CLIC4: variants seen among roughly 807,000 people sequenced by gnomAD.
CLIC4 encodes the protein chloride intracellular channel protein 4.
Under a neutral mutation model 24.6 loss-of-function variants are expected in CLIC4, and 13 were observed. That is an observed-to-expected ratio of 0.53 (90% confidence interval 0.34 to 0.84). The LOEUF is 0.84. Ranked by LOEUF, CLIC4 falls within the 40% of genes least tolerant of loss-of-function variation. The pLI is 0.01. For missense variants in CLIC4, 227 were observed against 301.7 expected (o/e 0.75, Z 1.83); for synonymous variants, 104 against 111.3 (o/e 0.93, Z 0.41).
chr1:24,797,017 G>C (rs575754765), intron 1 of CLIC4, among the ~76,000 whole-genome samples: 1 of 150,010 alleles, frequency 6.7e-6, no homozygotes, highest in African/African-American at 2.4e-5. Context: ...TGCATGGCAC[G>C]ATCTCAGCAC....
intron 1 of CLIC4, among the ~76,000 whole-genome samples, chr1:24,753,123 TG>T (rs201706929): frequency 6.6e-6 from 1 of 152,194 alleles, no homozygotes; most frequent in Admixed American, 6.5e-5. Flanking sequence ...GCTTTTTTTC[TG>T]GAAATTCCTA....
intron 1 of CLIC4, among the ~76,000 whole-genome samples, chr1:24,757,076 G>A (rs1638861690): frequency 6.6e-6 from 1 of 152,082 alleles, no homozygotes; most frequent in Non-Finnish European, 1.5e-5. Flanking sequence ...TGTATTTTTA[G>A]TAGAGATGGG....
chr1:24,841,261 A>G lies in CLIC4; in HGVS notation c.*324A>G, dbSNP rs1639939065. 1 of 187,856 alleles carries G rather than the reference A, an allele frequency of 5.3e-6. No individual in the cohort carries two copies. The highest frequency in any genetic ancestry group is 2.3e-5 in the African/African-American group (1 of 42,922). The allele number at this position is 187,856 out of a possible 1,614,324, so 11.6% of individuals were successfully genotyped here. On this transcript the variant is annotated 3_prime_UTR_variant, in exon 6 of 6. Coordinates refer to ENST00000374379, the MANE Select transcript of CLIC4 (RefSeq NM_013943.3). ...TCACCATTGTGTCCATTCACTGTGT[A>G]TAGATGGCAGAACTTTTGAGGTGCA...
intron 1 of CLIC4, among the ~76,000 whole-genome samples, chr1:24,755,651 A>G (rs571914298): frequency 6.6e-6 from 1 of 151,944 alleles, no homozygotes; most frequent in East Asian, 1.9e-4. Flanking sequence ...AATTAGCCTT[A>G]TATGGTTTCT....
intron 3 of CLIC4, among the ~76,000 whole-genome samples, chr1:24,820,093 A>ATATATATATATATATATATATC: frequency 1.0e-5 from 1 of 99,646 alleles, no homozygotes; most frequent in Non-Finnish European, 2.2e-5. Context: ...ATATATATAT[A>ATATATATATATATATATATATC]TATAGACAGT....
chr1:24,820,672 T>C (rs1639720965), intron 3 of CLIC4, among the ~76,000 whole-genome samples: 1 of 151,952 alleles, frequency 6.6e-6, no homozygotes, highest in African/African-American at 2.4e-5. Flanking sequence ...TAGATCATTG[T>C]ATCAACATTA....
chr1:24,822,616 T>A (rs1639746777), intron 3 of CLIC4, among the ~76,000 whole-genome samples: 1 of 152,048 alleles, frequency 6.6e-6, no homozygotes, highest in Non-Finnish European at 1.5e-5. Context: ...GGATTACAGG[T>A]GTGAGCCACA....
In CLIC4 at chr1:24,745,465, G is replaced by T; in HGVS notation, c.-89G>T. On this transcript the variant is annotated 5_prime_UTR_variant, in exon 1 of 6. Transcript: ENST00000374379. ...GCCGGACAGTCCAGCGAGCAGCACGGCGGGAACCGGCAGCCGGAGCAGTCC... is the reference window on the plus strand; with the variant it reads ...GCCGGACAGTCCAGCGAGCAGCACGTCGGGAACCGGCAGCCGGAGCAGTCC... 1 of 1,252,310 alleles carries T rather than the reference G, an allele frequency of 8.0e-7. No homozygotes were observed. The allele number at this position is 1,252,310 out of a possible 1,614,324, so 77.6% of individuals were successfully genotyped here.
intron 1 of CLIC4, among the ~76,000 whole-genome samples, chr1:24,748,493 T>A (rs1440119660): frequency 8.8e-6 from 1 of 113,914 alleles, no homozygotes; most frequent in Non-Finnish European, 1.9e-5. Context: ...ACAGATCAGG[T>A]TTTTTGTTTT....
intron 1 of CLIC4, among the ~76,000 whole-genome samples, chr1:24,766,495 T>G (rs1411690961): frequency 1.9e-4 from 14 of 75,324 alleles, no homozygotes; most frequent in African/African-American, 7.8e-4. Context: ...TTTTTTTTTT[T>G]TTTTTTTTTT....
chr1:24,796,681 A>T (rs938539420), intron 1 of CLIC4, among the ~76,000 whole-genome samples: 1 of 152,182 alleles, frequency 6.6e-6, no homozygotes, highest in Non-Finnish European at 1.5e-5. Flanking sequence ...GTGTCAGCAT[A>T]CCCTGTGATG....
At chr1:24,810,851 C>T (rs929536859) in intron 2 of CLIC4, among the ~76,000 whole-genome samples, 5 of 151,706 alleles carry the variant, frequency 3.3e-5, no homozygotes, top group African/African-American at 9.7e-5. Flanking sequence ...TTTGGGAGGC[C>T]GAGGTGGGCG....
At chr1:24,831,075 A>G (rs1275855903) in intron 4 of CLIC4, among the ~76,000 whole-genome samples, 1 of 152,190 alleles carries the variant, frequency 6.6e-6, no homozygotes, top group African/African-American at 2.4e-5. Flanking sequence ...TGTTTTCATT[A>G]ATATACCCTT....
intron 4 of CLIC4, among the ~76,000 whole-genome samples, chr1:24,836,069 A>T (rs1323628281): frequency 6.6e-6 from 1 of 152,226 alleles, no homozygotes; most frequent in Admixed American, 6.5e-5. Flanking sequence ...AAGAAAGTTG[A>T]CAAAGCCACA....
At chr1:24,780,522 C>T (rs1639189973) in intron 1 of CLIC4, among the ~76,000 whole-genome samples, 1 of 152,238 alleles carries the variant, frequency 6.6e-6, no homozygotes, top group Admixed American at 6.5e-5. Context: ...CTTTGCATGG[C>T]TGTTTCCTTC....
intron 1 of CLIC4, among the ~76,000 whole-genome samples, chr1:24,791,731 C>T (rs1024006916): frequency 2.0e-5 from 3 of 152,068 alleles, no homozygotes; most frequent in Non-Finnish European, 4.4e-5. Context: ...CAAAAATCAG[C>T]TGGGCATGGT....
intron 1 of CLIC4, among the ~76,000 whole-genome samples, chr1:24,777,116 A>ATG (rs570323430): frequency 1.3e-3 from 199 of 152,220 alleles, no homozygotes; most frequent in African/African-American, 4.4e-3. Flanking sequence ...GCATGCGTGC[A>ATG]TGTGTGTGTG....
chr1:24,746,568 C>T (rs1242074528), intron 1 of CLIC4, among the ~76,000 whole-genome samples: 1 of 152,130 alleles, frequency 6.6e-6, no homozygotes, highest in Non-Finnish European at 1.5e-5. Flanking sequence ...AAAAAAAACA[C>T]TTTGAGCTTC....
At chr1:24,831,707 C>G (rs369290887) in intron 4 of CLIC4, among the ~76,000 whole-genome samples, 28 of 152,274 alleles carry the variant, frequency 1.8e-4, no homozygotes, top group Middle Eastern at 3.4e-3. Flanking sequence ...GGCACGATCT[C>G]GGCTCACTGC....
Sources: gnomAD v4.1 joint callset for allele counts (sites outside exome capture counted in the v4.1 genomes callset) on GRCh38, gnomAD v4.1.1 for gene constraint, MANE v1.5 for transcripts, NCBI Gene and HGNC (gene_info 2026-07-23, HGNC 2026-07-21) for gene names.